The following GMEB2 variants were observed in gnomAD, a reference collection of about 807,000 sequenced individuals.
GMEB2 encodes the protein glucocorticoid modulatory element-binding protein 2.
GMEB2 carries 7 observed loss-of-function variants against 45.7 expected under a neutral mutation model. The ratio of observed to expected loss-of-function variants is 0.15; its 90% CI spans 0.09 to 0.29. The LOEUF is 0.29. GMEB2 is among the 10% of genes least tolerant of loss of function. GMEB2 has a pLI of 1.00. For synonymous variants in GMEB2, 322 were observed against 323.6 expected, an observed-to-expected ratio of 1.00 and a Z score of 0.05; for missense variants, 582 against 739.2, an observed-to-expected ratio of 0.79 and a Z score of 2.47.
At chr20:63,610,499 C>T (rs1234645030) in intron 2 of GMEB2, among the ~76,000 whole-genome samples, 4 of 151,798 alleles carry the variant, frequency 2.6e-5, no homozygotes, top group Non-Finnish European at 4.4e-5. Context: ...CCAGTCTGGG[C>T]GACAGAGTGA....
chr20:63,598,010 G>A (rs568578256), intron 4 of GMEB2, 150 bp from the exon 5 acceptor site: 2 of 606,524 alleles, frequency 3.3e-6, no homozygotes, highest in South Asian at 1.8e-5. Flanking sequence ...AGAGCATTCA[G>A]GTAAAACAAG....
intron 2 of GMEB2, among the ~76,000 whole-genome samples, chr20:63,609,791 A>C (rs1601025270): frequency 1.5e-5 from 1 of 65,102 alleles, no homozygotes; most frequent in Non-Finnish European, 3.5e-5. Context: ...CTCTGACCCC[A>C]CCTCCATTTC....
intron 1 of GMEB2, among the ~76,000 whole-genome samples, chr20:63,621,070 C>G (rs1047505297): frequency 2.0e-5 from 3 of 152,142 alleles, no homozygotes; most frequent in Non-Finnish European, 4.4e-5. Context: ...ATACACAAAG[C>G]TGGGATAGTC....
At chr20:63,615,192 T>C (rs964815579) in intron 2 of GMEB2, among the ~76,000 whole-genome samples, 4 of 152,158 alleles carry the variant, frequency 2.6e-5, no homozygotes, top group African/African-American at 9.7e-5. Context: ...TGGCCCAGTC[T>C]CCTCGTTGAG....
At position 63,588,615 on chromosome 20, in the gene GMEB2, C is replaced by T; in HGVS notation, c.*1474G>A. 7.5e-6 allele frequency: 3 copies of T among 397,852 alleles called. No individual in the cohort carries two copies. Among genetic ancestry groups the T allele is most frequent in the Non-Finnish European group, 1.3e-5 (3 of 226,038 alleles). 24.6% of individuals were successfully genotyped at this position (397,852 alleles called of 1,614,324 possible). On this transcript the variant is annotated 3_prime_UTR_variant, in exon 10 of 10. Coordinates refer to ENST00000370077, the MANE Select transcript of GMEB2 (RefSeq NM_012384.5). ...CAGGACAGGGCCCTGGTGACAATGG[C>T]GCAGAGGTGGGGTCTGGGCCGCTCA...
At chr20:63,591,666 C>T (rs1211569111) in intron 9 of GMEB2, among the ~76,000 whole-genome samples, 3 of 152,110 alleles carry the variant, frequency 2.0e-5, no homozygotes, top group Non-Finnish European at 2.9e-5. Context: ...GGTTTCACCA[C>T]GTTGGCCAGG....
intron 1 of GMEB2, among the ~76,000 whole-genome samples, chr20:63,623,652 G>C (rs1001098754): frequency 6.6e-6 from 1 of 151,962 alleles, no homozygotes; most frequent in African/African-American, 2.4e-5. Context: ...ACAAAAATTA[G>C]CCGGGCGCGG....
intron 2 of GMEB2, among the ~76,000 whole-genome samples, chr20:63,615,374 C>G (rs6062977): frequency 0.68 from 102,796 of 151,904 alleles, 36,722 homozygotes; most frequent in Non-Finnish European, 0.82. Context: ...ACCCAGGCTG[C>G]AGTGCAGTGG....
At chr20:63,604,325 C>T (rs1390819993) in intron 3 of GMEB2, among the ~76,000 whole-genome samples, 5 of 151,902 alleles carry the variant, frequency 3.3e-5, no homozygotes, top group African/African-American at 9.7e-5. Context: ...CTATGGTGAA[C>T]GGTGATCGTG....
Position 63,588,742 on chromosome 20 carries a change from G to C in GMEB2, c.*1347C>G, listed in dbSNP as rs1186996232. 11 of 398,726 alleles carry C rather than the reference G, an allele frequency of 2.8e-5. No homozygotes were observed. The East Asian group carries it at 3.6e-4, about 13-fold the overall frequency. The allele number at this position is 398,726 out of a possible 1,614,324, so 24.7% of individuals were successfully genotyped here. On this transcript the variant is annotated 3_prime_UTR_variant, in exon 10 of 10. Coordinates refer to ENST00000370077, the MANE Select transcript of GMEB2 (RefSeq NM_012384.5). ...GGGCCTTCAACTGCCGACAGAATCA[G>C]CAGGAGCGTCCAGGGGAATCTGGCA...
chr20:63,624,056 G>C (rs1311158769), intron 1 of GMEB2, among the ~76,000 whole-genome samples: 3 of 151,168 alleles, frequency 2.0e-5, no homozygotes, highest in Admixed American at 2.0e-4. Flanking sequence ...GCTGCAGTGT[G>C]CCAAGACTGC....
In GMEB2 at chr20:63,592,392, G is replaced by A; in HGVS notation, c.829+141C>T. The A allele has an allele frequency of 1.5e-6, 1 of 675,078 alleles. No individual in the cohort carries two copies. Among genetic ancestry groups the A allele is most frequent in the East Asian group, 2.7e-5 (1 of 36,870 alleles). 41.8% of individuals were successfully genotyped at this position (675,078 alleles called of 1,614,324 possible). On this transcript the variant is annotated intron_variant, in intron 8 of 9. Transcript: ENST00000370077. This position sits in a 1 kb window ranked among gnomAD's most constrained non-coding sequence, Gnocchi z 8.2. ...GATCCTCCCACCAAGTTCAGCCTCA[G>A]CACAGCAGGAGTCCCAAGCCTAGAT...
chr20:63,616,139 G>A (rs985392917), intron 2 of GMEB2, among the ~76,000 whole-genome samples: 1 of 151,834 alleles, frequency 6.6e-6, no homozygotes, highest in African/African-American at 2.4e-5. Flanking sequence ...CTGATAAAAT[G>A]GCAAATTAGA....
rs368512874 is a variant in GMEB2, at chr20:63,590,371, G to C, written c.1311C>G (p.Ser437=). 2 of 1,605,278 alleles carry C rather than the reference G, an allele frequency of 1.2e-6. No homozygotes were observed. The highest frequency in any genetic ancestry group is 2.7e-5 in the African/African-American group (2 of 74,764). The change falls in exon 10 of 10, where the codon TCC becomes TCG. Residue 437 remains serine (S), a synonymous_variant. Transcript: ENST00000370077. ...LLGGYTVLAS[S]GSTYPSTVEI... ...CCACTGTGCTGGGGTAGGTGGAGCC[G>C]GAAGAGGCCAAGACTGTGTATCCCC...
rs780841906 is a variant in GMEB2, at chr20:63,590,515, G to C, written c.1167C>G (p.Pro389=). The C allele has an allele frequency of 2.0e-6, 3 of 1,507,300 alleles. No individual in the cohort carries two copies. The highest frequency in any genetic ancestry group is 2.4e-5 in the East Asian group (1 of 42,488). 93.4% of individuals were successfully genotyped at this position (1,507,300 alleles called of 1,614,324 possible). The change falls in exon 10 of 10, where the codon CCC becomes CCG. Residue 389 remains proline, a synonymous_variant. Transcript: ENST00000370077. ...GGGGCACGCTGGTCAGCTGGGGGAC[G>C]GGCACGCCCGGGCCAAGCGCCAGCT... ...SAQLALGPGV[P]VPQLTSVPLG... is the part of the protein sequence containing the mutation.
chr20:63,597,184 C>CA (rs1292330561), intron 5 of GMEB2, among the ~76,000 whole-genome samples: 2 of 99,078 alleles, frequency 2.0e-5, no homozygotes, highest in African/African-American at 7.3e-5. Flanking sequence ...TTTTTTGAGA[C>CA]AGAGTCTCAC....
intron 1 of GMEB2, among the ~76,000 whole-genome samples, chr20:63,620,520 C>T (rs762080177): frequency 3.3e-5 from 5 of 152,146 alleles, no homozygotes; most frequent in African/African-American, 4.8e-5. Context: ...TGTGTGTGAG[C>T]GCCTGGGTCG....
In GMEB2 at chr20:63,619,173, G is replaced by A. The variant is rs1366937017; in HGVS notation, c.131+94C>T. 2 of 1,244,330 alleles carry A rather than the reference G, an allele frequency of 1.6e-6. No homozygotes were observed. Among genetic ancestry groups the A allele is most frequent in the Non-Finnish European group, 2.2e-6 (2 of 921,894 alleles). The allele number at this position is 1,244,330 out of a possible 1,614,324, so 77.1% of individuals were successfully genotyped here. ...GAAGAACTGGAACTAGAAAAATCCTGACACTTGTCCCTTACTACGTTAATG... is the reference window on the plus strand; with the variant it reads ...GAAGAACTGGAACTAGAAAAATCCTAACACTTGTCCCTTACTACGTTAATG... On this transcript the variant is annotated intron_variant, in intron 2 of 9. Transcript: ENST00000370077. This position sits in a 1 kb window ranked among gnomAD's most constrained non-coding sequence, Gnocchi z 4.6.
chr20:63,598,610 C>T (rs1176114431), intron 4 of GMEB2, among the ~76,000 whole-genome samples: 6 of 152,170 alleles, frequency 3.9e-5, no homozygotes, highest in South Asian at 2.1e-4. Flanking sequence ...CCTCCACCCC[C>T]GGGCCGTGCC....
Sources: gnomAD v4.1 joint callset for allele counts (sites outside exome capture counted in the v4.1 genomes callset) on GRCh38, gnomAD v4.1.1 for gene constraint, Gnocchi (gnomAD v3.1) non-coding constraint, MANE v1.5 for transcripts, NCBI Gene and HGNC (gene_info 2026-07-23, HGNC 2026-07-21) for gene names.